The following GPHN variants were observed in gnomAD, a reference collection of about 807,000 sequenced individuals.
GPHN encodes the protein gephyrin.
GPHN carries 17 observed loss-of-function variants against 95.5 expected under a neutral mutation model. That is an observed-to-expected ratio of 0.18 (90% CI 0.12 to 0.27). The LOEUF (loss-of-function observed/expected upper bound fraction) is 0.27, where lower values mean the gene tolerates loss of function less well. Among genes scored for constraint, GPHN ranks in the 10% least tolerant of loss-of-function variants. The probability of loss-of-function intolerance (pLI) is 1.00; values close to 1 mark genes in which losing one functional copy is unlikely to be tolerated. For synonymous variants in GPHN, 320 were observed against 322.5 expected (o/e 0.99, Z 0.08); for missense variants, 660 against 978.1 (o/e 0.67, Z 4.34).
chr14:67,502,249 T>A, the GPHN span, among the ~76,000 whole-genome samples: 1 of 151,504 alleles, frequency 6.6e-6, no homozygotes, highest in East Asian at 2.0e-4. Context: ...GAGAATCACT[T>A]GAACCTGGGA....
intron 1 of GPHN, among the ~76,000 whole-genome samples, chr14:66,544,200 T>C (rs966310298): frequency 4.6e-5 from 7 of 152,204 alleles, no homozygotes; most frequent in Admixed American, 6.5e-5. Flanking sequence ...TGATTCTCTC[T>C]GCCTAGAATA....
intron 5 of GPHN, among the ~76,000 whole-genome samples, chr14:66,907,223 A>G (rs919881486): frequency 1.3e-5 from 2 of 152,214 alleles, no homozygotes; most frequent in Non-Finnish European, 2.9e-5. Context: ...TGCTGCATCC[A>G]TACAATGGAC....
chr14:67,203,118 T>C, the GPHN span: 1 of 1,613,530 alleles, frequency 6.2e-7, no homozygotes, highest in South Asian at 1.1e-5. Context: ...TGAATCCATT[T>C]ACCTTCATAA....
At chr14:66,543,902 C>T (rs966445875) in intron 1 of GPHN, among the ~76,000 whole-genome samples, 1 of 152,130 alleles carries the variant, frequency 6.6e-6, no homozygotes, top group African/African-American at 2.4e-5. Flanking sequence ...GCAGTCTTTT[C>T]CAAACAGCCT....
intron 1 of GPHN, among the ~76,000 whole-genome samples, chr14:66,627,632 G>A (rs1227754152): frequency 2.6e-5 from 4 of 151,788 alleles, no homozygotes; most frequent in African/African-American, 9.7e-5. Flanking sequence ...TTTTTGAATC[G>A]TTCTTTAAAG....
chr14:67,381,651 A>T, the GPHN span: 1 of 1,613,674 alleles, frequency 6.2e-7, no homozygotes, highest in East Asian at 2.2e-5. Context: ...AAGCCCTAAG[A>T]GCAGGTTTGA....
chr14:66,621,120 A>C (rs912772130), intron 1 of GPHN, among the ~76,000 whole-genome samples: 4 of 145,930 alleles, frequency 2.7e-5, no homozygotes, highest in Non-Finnish European at 5.9e-5. Context: ...ATCCACCACC[A>C]AGCCCAGCCA....
the GPHN span, among the ~76,000 whole-genome samples, chr14:67,476,156 G>A: frequency 6.6e-6 from 1 of 152,250 alleles, no homozygotes; most frequent in Admixed American, 6.5e-5. Context: ...GGCATCTGTA[G>A]TATGCACACC....
At chr14:66,645,292 C>T (rs2064671308) in intron 1 of GPHN, among the ~76,000 whole-genome samples, 1 of 152,112 alleles carries the variant, frequency 6.6e-6, no homozygotes, top group South Asian at 2.1e-4. Flanking sequence ...AATAATCTAA[C>T]AGATATTTAT....
intron 7 of GPHN, 37 bp from the exon 8 acceptor site, chr14:66,924,157 G>A (rs1279805614): frequency 1.8e-6 from 2 of 1,106,618 alleles, no homozygotes; most frequent in Admixed American, 1.7e-5. Context: ...ATGTTTTCCT[G>A]TCACTATATT....
Position 66,950,649 on chromosome 14 carries a change from C to G in GPHN, c.829-14542C>G, listed in dbSNP as rs79003393. 3.1e-3 allele frequency among the ~76,000 whole-genome samples: 470 copies of G among 152,182 alleles called. 11 individuals carry two copies. The highest frequency in any genetic ancestry group is 0.011 in the African/African-American group (447 of 41,522). The stretch of plus-strand genomic sequence containing the variant: ...CCCTAGTTGTTGAGTATGTTGGCCA[C>G]TTATTTTCTGAAACAGTCCCCCACC... On this transcript the variant is annotated intron_variant, in intron 8 of 22. Transcript: ENST00000478722.
At chr14:66,509,586 C>G (rs572052346) in intron 1 of GPHN, among the ~76,000 whole-genome samples, 44 of 152,078 alleles carry the variant, frequency 2.9e-4, no homozygotes, top group African/African-American at 1.1e-3. Context: ...TGCTGTGGTT[C>G]TGTAATTGGC....
At chr14:67,684,003 T>C in the GPHN span, among the ~76,000 whole-genome samples, 1 of 152,346 alleles carries the variant, frequency 6.6e-6, no homozygotes, top group East Asian at 1.9e-4. Context: ...CTCATTTAAT[T>C]AATCATCCAG....
chr14:67,297,242 A>G, the GPHN span, among the ~76,000 whole-genome samples: 5 of 152,252 alleles, frequency 3.3e-5, no homozygotes. Context: ...TTTTGGCAGT[A>G]CCAGTCAGTG....
At chr14:66,673,523 A>C (rs1410722971) in intron 1 of GPHN, among the ~76,000 whole-genome samples, 1 of 152,238 alleles carries the variant, frequency 6.6e-6, no homozygotes, top group African/African-American at 2.4e-5. Context: ...GTGTATGCTT[A>C]CTGGAATTCA....
At chr14:67,395,499 C>T in the GPHN span, 2 of 1,613,982 alleles carry the variant, frequency 1.2e-6, no homozygotes, top group African/African-American at 2.7e-5. Context: ...CCGGTGATCT[C>T]AAAGGCCCAG....
chr14:66,732,454 T>A (rs2071860082), intron 2 of GPHN, among the ~76,000 whole-genome samples: 1 of 152,240 alleles, frequency 6.6e-6, no homozygotes, highest in African/African-American at 2.4e-5. Flanking sequence ...TTTGGCCAGT[T>A]TCTCCCATTT....
the GPHN span, among the ~76,000 whole-genome samples, chr14:67,537,773 C>T: frequency 1.3e-5 from 2 of 152,184 alleles, no homozygotes; most frequent in African/African-American, 4.8e-5. Flanking sequence ...CTGATACAGA[C>T]TCTGAGTCTG....
chr14:67,392,798 A>G, the GPHN span: 3 of 1,613,854 alleles, frequency 1.9e-6, no homozygotes, highest in African/African-American at 4.0e-5. Context: ...CACCGCCTCC[A>G]GACGGCTGGC....
Sources: gnomAD v4.1 joint callset for allele counts (sites outside exome capture counted in the v4.1 genomes callset) on GRCh38, gnomAD v4.1.1 for gene constraint, MANE v1.5 for transcripts, NCBI Gene and HGNC (gene_info 2026-07-23, HGNC 2026-07-21) for gene names.